Variants in MTPN observed in about 807,000 individuals in gnomAD.
MTPN encodes granule cell differentiation protein.
Under a neutral mutation model 13.5 loss-of-function variants are expected in MTPN, and 2 were observed. The observed-to-expected ratio is 0.15, with a 90% CI of 0.06 to 0.47. MTPN has a LOEUF of 0.47. MTPN is among the 20% of genes least tolerant of loss of function. MTPN has a pLI of 0.97. For synonymous variants in MTPN, 46 were observed against 51.7 expected, an observed-to-expected ratio of 0.89 and a Z score of 0.48; for missense variants, 79 against 137.9, an observed-to-expected ratio of 0.57 and a Z score of 2.14.
chr7:135,938,055 G>A lies in MTPN; in HGVS notation c.271-8043C>T, dbSNP rs986651133. Among the ~76,000 whole-genome samples, 15 of 152,090 alleles carry A rather than the reference G, an allele frequency of 9.9e-5. 1 individual carries two copies. The highest frequency in any genetic ancestry group is 3.6e-4 in the African/African-American group (15 of 41,408). On this transcript the variant is annotated intron_variant, in intron 3 of 3. Transcript: ENST00000393085. ...CTATGTGGATTTTTGACTGTGCAGG[G>A]GTTGGCAACCCTAAACCCCTGCATT...
intron 1 of MTPN, among the ~76,000 whole-genome samples, chr7:135,964,844 C>G (rs1041953195): frequency 2.0e-5 from 3 of 151,986 alleles, no homozygotes; most frequent in Non-Finnish European, 4.4e-5. Context: ...TTTTATATCT[C>G]AAAAACTTGA....
intron 1 of MTPN, among the ~76,000 whole-genome samples, chr7:135,973,817 G>C (rs754880530): frequency 6.6e-6 from 1 of 151,956 alleles, no homozygotes; most frequent in African/African-American, 2.4e-5. Context: ...AGATGCTTAC[G>C]TTTCCTGAAA....
chr7:135,946,255 T>C (rs1328810533), intron 3 of MTPN, among the ~76,000 whole-genome samples: 3 of 152,198 alleles, frequency 2.0e-5, no homozygotes, highest in Admixed American at 1.3e-4. Context: ...AGTTTAGTAA[T>C]GAACAGTGAA....
Position 135,977,128 on chromosome 7 carries a change from G to C in MTPN, c.-28C>G, listed in dbSNP as rs550161034. On this transcript the variant is annotated 5_prime_UTR_variant, in exon 1 of 4. Transcript: ENST00000393085. ...CTGCAGCGGGGCAGGCCGGTTGGCC[G>C]GGCAGAAGATGAGGAGGCGGTGGCA... 6 of 1,613,090 alleles carry C rather than the reference G, an allele frequency of 3.7e-6. No homozygotes were observed. Among genetic ancestry groups the C allele is most frequent in the Admixed American group, 1.7e-5 (1 of 60,002 alleles).
intron 3 of MTPN, among the ~76,000 whole-genome samples, chr7:135,942,043 C>A (rs1375254488): frequency 6.6e-6 from 1 of 151,792 alleles, no homozygotes; most frequent in East Asian, 1.9e-4. Context: ...GCCACCACGC[C>A]CGGCTAATTT....
chr7:135,972,231 G>GCGCACACACACACACA (rs779296906), intron 1 of MTPN, among the ~76,000 whole-genome samples: 74 of 124,712 alleles, frequency 5.9e-4, no homozygotes, highest in African/African-American at 2.2e-3. Flanking sequence ...GCACGCGCGC[G>GCGCACACACACACACA]CACACACACA....
intron 3 of MTPN, among the ~76,000 whole-genome samples, chr7:135,942,703 A>G (rs531963003): frequency 2.6e-5 from 4 of 152,370 alleles, no homozygotes; most frequent in Non-Finnish European, 5.9e-5. Flanking sequence ...TTATCCTCAT[A>G]TCAACTCTAT....
At chr7:135,948,800 T>C (rs1236512996) in intron 3 of MTPN, among the ~76,000 whole-genome samples, 1 of 152,082 alleles carries the variant, frequency 6.6e-6, no homozygotes, top group Non-Finnish European at 1.5e-5. Flanking sequence ...GTTTGAGATA[T>C]GGTTAGAAGG....
intron 1 of MTPN, among the ~76,000 whole-genome samples, chr7:135,975,336 T>C (rs921031140): frequency 3.3e-5 from 5 of 152,344 alleles, no homozygotes; most frequent in Admixed American, 3.3e-4. Flanking sequence ...AATTAGATCT[T>C]AGACTGAGAG....
rs758780585 is a variant in MTPN, at chr7:135,977,120, G to A, written c.-20C>T. The A allele has an allele frequency of 9.3e-6, 15 of 1,613,734 alleles. 1 individual carries two copies. In the South Asian group the frequency reaches 1.6e-4, roughly 18 times the overall value. ...GCACATCACTGCAGCGGGGCAGGCC[G>A]GTTGGCCGGGCAGAAGATGAGGAGG... On this transcript the variant is annotated 5_prime_UTR_variant, in exon 1 of 4. Coordinates refer to ENST00000393085, the MANE Select transcript of MTPN (RefSeq NM_145808.4).
At chr7:135,976,801 A>G (rs7781426) in intron 1 of MTPN, among the ~76,000 whole-genome samples, 72,836 of 151,718 alleles carry the variant, frequency 0.48, 17,792 homozygotes, top group East Asian at 0.55. Flanking sequence ...GGTAGCGCCT[A>G]ACTGTATTAA....
At chr7:135,971,707 T>C (rs1353075964) in intron 1 of MTPN, among the ~76,000 whole-genome samples, 1 of 152,250 alleles carries the variant, frequency 6.6e-6, no homozygotes, top group African/African-American at 2.4e-5. Flanking sequence ...ACCTGTATAC[T>C]GCATCACAAT....
chr7:135,936,143 G>A (rs1442832017), intron 3 of MTPN, among the ~76,000 whole-genome samples: 1 of 152,096 alleles, frequency 6.6e-6, no homozygotes, highest in African/African-American at 2.4e-5. Flanking sequence ...ATTAGTCTTT[G>A]CGATCCCAAG....
intron 1 of MTPN, among the ~76,000 whole-genome samples, chr7:135,954,026 G>A (rs952505922): frequency 2.0e-5 from 3 of 152,102 alleles, no homozygotes; most frequent in African/African-American, 7.2e-5. Flanking sequence ...TAAAATCACT[G>A]GAGACCAGGT....
chr7:135,970,182 T>G (rs1327959214), intron 1 of MTPN, among the ~76,000 whole-genome samples: 1 of 152,176 alleles, frequency 6.6e-6, no homozygotes, highest in Non-Finnish European at 1.5e-5. Context: ...AAGGGAAGAA[T>G]AAATACATTT....
intron 3 of MTPN, among the ~76,000 whole-genome samples, chr7:135,931,539 G>A (rs192655444): frequency 5.9e-5 from 9 of 152,268 alleles, no homozygotes; most frequent in Admixed American, 2.0e-4. Context: ...CTTCATGGAA[G>A]ACATGGAATT....
At chr7:135,930,955 G>C (rs1039771356) in intron 3 of MTPN, among the ~76,000 whole-genome samples, 2 of 151,962 alleles carry the variant, frequency 1.3e-5, no homozygotes, top group Non-Finnish European at 2.9e-5. Flanking sequence ...GACACCTACA[G>C]AATTGTTTAA....
chr7:135,950,198 G>A (rs867534412), intron 3 of MTPN, among the ~76,000 whole-genome samples: 10 of 152,204 alleles, frequency 6.6e-5, no homozygotes, highest in African/African-American at 2.4e-4. Flanking sequence ...CATTTTGCTC[G>A]GTATGTATTC....
At chr7:135,960,604 T>C (rs775833910) in intron 1 of MTPN, 3 of 151,816 alleles carry the variant, frequency 2.0e-5, no homozygotes, top group Non-Finnish European at 2.9e-5. Context: ...ATATTGAAAA[T>C]TCTTTCCTCT....
Sources: allele counts gnomAD v4.1 joint callset (sites outside exome capture counted in the v4.1 genomes callset), GRCh38; gene constraint gnomAD v4.1.1; transcripts MANE v1.5; gene names NCBI Gene and HGNC (gene_info 2026-07-23, HGNC 2026-07-21).